Variants in SOX5 observed in about 807,000 individuals in gnomAD.
The protein encoded by SOX5 is SRY-box transcription factor 5.
A neutral mutation model predicts 92.0 loss-of-function variants in SOX5; 9 were observed. The ratio of observed to expected loss-of-function variants is 0.10; its 90% CI spans 0.06 to 0.17. The LOEUF (loss-of-function observed/expected upper bound fraction) is 0.17. Ranked by LOEUF, SOX5 falls within the 10% of genes least tolerant of loss-of-function variation. The probability of loss-of-function intolerance (pLI) is 1.00; values close to 1 mark genes in which losing one functional copy is unlikely to be tolerated. For missense variants in SOX5, 642 were observed against 944.5 expected, an observed-to-expected ratio of 0.68 and a Z score of 4.20; for synonymous variants, 344 against 336.3, an observed-to-expected ratio of 1.02 and a Z score of -0.25.
At chr12:23,744,666 TCTC>T (rs1205060972) in intron 4 of SOX5, among the ~76,000 whole-genome samples, 1 of 152,184 alleles carries the variant, frequency 6.6e-6, no homozygotes, top group East Asian at 1.9e-4. Flanking sequence ...TAGTAAAAGA[TCTC>T]CTCCCAACAC....
At chr12:24,405,705 A>G (rs768092341) in intron 1 of SOX5, among the ~76,000 whole-genome samples, 16 of 152,184 alleles carry the variant, frequency 1.1e-4, no homozygotes, top group Non-Finnish European at 1.0e-4. Context: ...ATGGGAGCAG[A>G]ATGACAGATC....
At chr12:23,936,331 C>T (rs1337727093) in intron 1 of SOX5, among the ~76,000 whole-genome samples, 1 of 150,872 alleles carries the variant, frequency 6.6e-6, no homozygotes, top group Non-Finnish European at 1.5e-5. Flanking sequence ...TCTAATTTCC[C>T]ATTTCAAATA....
chr12:23,788,557 G>A (rs2095419962), intron 3 of SOX5, among the ~76,000 whole-genome samples: 1 of 151,784 alleles, frequency 6.6e-6, no homozygotes, highest in South Asian at 2.1e-4. Flanking sequence ...ATTGTATAAT[G>A]GCCTGGGAAT....
chr12:23,630,859 G>A (rs2078441146), intron 8 of SOX5, among the ~76,000 whole-genome samples: 1 of 151,886 alleles, frequency 6.6e-6, no homozygotes, highest in African/African-American at 2.4e-5. Flanking sequence ...ACTAAACAAA[G>A]TGCTTCTTAA....
chr12:23,618,036 G>T (rs2076775934), intron 8 of SOX5, among the ~76,000 whole-genome samples: 1 of 152,118 alleles, frequency 6.6e-6, no homozygotes, highest in African/African-American at 2.4e-5. Context: ...CTTGCTGTTT[G>T]TTACTGTGGG....
chr12:23,826,782 A>C (rs1158013535), intron 3 of SOX5, among the ~76,000 whole-genome samples: 1 of 152,214 alleles, frequency 6.6e-6, no homozygotes, highest in Non-Finnish European at 1.5e-5. Flanking sequence ...TCTGCTCCCA[A>C]GTCTTCCACA....
chr12:23,714,231 T>G (rs924408966), intron 6 of SOX5, among the ~76,000 whole-genome samples: 6 of 152,192 alleles, frequency 3.9e-5, no homozygotes, highest in Non-Finnish European at 5.9e-5. Flanking sequence ...ATCTAAAATT[T>G]ATCTTCTAAA....
intron 3 of SOX5, among the ~76,000 whole-genome samples, chr12:23,812,839 T>C (rs1187680882): frequency 6.6e-6 from 1 of 152,174 alleles, no homozygotes; most frequent in East Asian, 1.9e-4. Flanking sequence ...AATACACTTT[T>C]ATTTGAAAGT....
intron 1 of SOX5, among the ~76,000 whole-genome samples, chr12:24,504,034 A>T (rs1429244510): frequency 6.6e-6 from 1 of 152,020 alleles, no homozygotes; most frequent in Non-Finnish European, 1.5e-5. Flanking sequence ...CTTCCAATCA[A>T]ATAAGAAGGG....
chr12:24,118,892 G>A (rs1045900703), intron 4 of SOX5, among the ~76,000 whole-genome samples: 8 of 152,078 alleles, frequency 5.3e-5, no homozygotes, highest in South Asian at 2.1e-4. Flanking sequence ...CTGAGATTAC[G>A]CAAGTGAAAA....
At chr12:23,798,310 T>C (rs995958362) in intron 3 of SOX5, among the ~76,000 whole-genome samples, 2 of 151,964 alleles carry the variant, frequency 1.3e-5, no homozygotes, top group African/African-American at 4.8e-5. Flanking sequence ...TAATTTGTGC[T>C]GCCTGAAAAA....
At chr12:24,194,460 GAT>G (rs1280579291) in intron 4 of SOX5, among the ~76,000 whole-genome samples, 2 of 151,752 alleles carry the variant, frequency 1.3e-5, no homozygotes, top group Non-Finnish European at 2.9e-5. Context: ...TAGGTAGAGA[GAT>G]ATGTGTGTGT....
intron 4 of SOX5, among the ~76,000 whole-genome samples, chr12:23,957,852 T>A (rs1946459849): frequency 6.6e-6 from 1 of 152,156 alleles, no homozygotes; most frequent in Non-Finnish European, 1.5e-5. Context: ...ATCATCTATA[T>A]ATTAAAATCT....
intron 1 of SOX5, among the ~76,000 whole-genome samples, chr12:23,927,982 C>T (rs1294910344): frequency 6.6e-6 from 1 of 152,046 alleles, no homozygotes; most frequent in African/African-American, 2.4e-5. Flanking sequence ...ATGAAATGCA[C>T]TCTCCAGTAG....
At chr12:24,470,813 A>G (rs77264278) in intron 1 of SOX5, among the ~76,000 whole-genome samples, 3,063 of 152,278 alleles carry the variant, frequency 0.02, 46 homozygotes, top group South Asian at 0.036. Flanking sequence ...TCAACTGAAA[A>G]ATGAGTATAG....
chr12:23,725,849 T>C (rs1012997119), intron 6 of SOX5, among the ~76,000 whole-genome samples: 1 of 152,142 alleles, frequency 6.6e-6, no homozygotes, highest in East Asian at 1.9e-4. Context: ...GACTGAAAAG[T>C]ATTACAAAAA....
intron 10 of SOX5, among the ~76,000 whole-genome samples, chr12:23,571,560 C>A (rs989357514): frequency 6.6e-6 from 1 of 151,792 alleles, no homozygotes; most frequent in Non-Finnish European, 1.5e-5. Context: ...GATAAATGGC[C>A]GAGAAGAGCA....
chr12:23,853,067 G>T (rs1033867219), intron 2 of SOX5, among the ~76,000 whole-genome samples: 2 of 151,504 alleles, frequency 1.3e-5, no homozygotes, highest in Non-Finnish European at 2.9e-5. Flanking sequence ...GGGAGGAAAA[G>T]AAGGATAGTG....
intron 4 of SOX5, among the ~76,000 whole-genome samples, chr12:23,979,113 A>T (rs1026072203): frequency 2.0e-5 from 3 of 151,568 alleles, no homozygotes; most frequent in African/African-American, 7.3e-5. Context: ...ATTAGGTATA[A>T]TTTTTTTTTA....
Sources: allele counts gnomAD v4.1 joint callset (sites outside exome capture counted in the v4.1 genomes callset), GRCh38; gene constraint gnomAD v4.1.1; transcripts MANE v1.5; gene names NCBI Gene and HGNC (gene_info 2026-07-23, HGNC 2026-07-21).